Variants in ESRRG observed in about 807,000 individuals in gnomAD.
The protein encoded by ESRRG is estrogen related receptor gamma.
ESRRG carries 13 observed loss-of-function variants against 44.0 expected under a neutral mutation model. That is an observed-to-expected ratio of 0.30 (90% CI 0.19 to 0.47). The LOEUF (loss-of-function observed/expected upper bound fraction) is 0.47, where lower values mean the gene tolerates loss of function less well. Ranked by LOEUF, ESRRG falls within the 20% of genes least tolerant of loss-of-function variation. The pLI is 1.00. For synonymous variants in ESRRG, 215 were observed against 214.6 expected (o/e 1.00, Z -0.02); for missense variants, 395 against 580.6 (o/e 0.68, Z 3.29).
rs142981305 is a variant in ESRRG, at chr1:216,786,708, T to A, written c.-13-109217A>T. Among the ~76,000 whole-genome samples, 23 of 152,282 alleles carry A rather than the reference T, an allele frequency of 1.5e-4. No homozygotes were observed. In the East Asian group the frequency reaches 4.1e-3, roughly 27 times the overall value. On this transcript the variant is annotated intron_variant, in intron 2 of 7. Coordinates refer to the ESRRG transcript ENST00000359162. ...CAACGAGTACATATGTGCTTTGCAC[T>A]AATATCATCAAATTCCAGTCTGATT...
At chr1:216,868,336 C>T (rs962098214) in intron 2 of ESRRG, among the ~76,000 whole-genome samples, 1 of 152,052 alleles carries the variant, frequency 6.6e-6, no homozygotes, top group Non-Finnish European at 1.5e-5. Flanking sequence ...GAGCCACCCA[C>T]CTCGGCCTCC....
chr1:217,025,781 T>C (rs940638851), intron 1 of ESRRG, among the ~76,000 whole-genome samples: 2 of 152,190 alleles, frequency 1.3e-5, no homozygotes, highest in African/African-American at 4.8e-5. Flanking sequence ...TAATAAATTG[T>C]TTTTAAGAGG....
chr1:216,850,116 T>G (rs954685429), intron 2 of ESRRG, among the ~76,000 whole-genome samples: 1 of 152,118 alleles, frequency 6.6e-6, no homozygotes, highest in Non-Finnish European at 1.5e-5. Context: ...ATATTTTTAC[T>G]GAGACTTCAA....
intron 2 of ESRRG, among the ~76,000 whole-genome samples, chr1:216,923,574 T>C (rs2062105325): frequency 6.6e-6 from 1 of 152,198 alleles, no homozygotes; most frequent in South Asian, 2.1e-4. Flanking sequence ...TGTGATTAAC[T>C]GGACTGTTGG....
intron 2 of ESRRG, among the ~76,000 whole-genome samples, chr1:216,788,753 T>G (rs1441535485): frequency 2.6e-5 from 4 of 152,150 alleles, no homozygotes; most frequent in African/African-American, 4.8e-5. Flanking sequence ...TTGTAGAGGA[T>G]TCACCATTCT....
intron 1 of ESRRG, among the ~76,000 whole-genome samples, chr1:216,720,893 T>C (rs1163613575): frequency 6.6e-6 from 1 of 152,170 alleles, no homozygotes; most frequent in East Asian, 1.9e-4. Context: ...CCTTTCCTTC[T>C]TCCAACAGCT....
chr1:216,998,709 T>C (rs918185143), intron 1 of ESRRG, among the ~76,000 whole-genome samples: 1 of 152,346 alleles, frequency 6.6e-6, no homozygotes, highest in South Asian at 2.1e-4. Context: ...TTAGAAATAT[T>C]CCTTCACACA....
At chr1:217,061,727 C>A (rs1246405764) in intron 1 of ESRRG, among the ~76,000 whole-genome samples, 1 of 152,168 alleles carries the variant, frequency 6.6e-6, no homozygotes, top group African/African-American at 2.4e-5. Context: ...AGCCTAAGCA[C>A]TGCCACAATC....
intron 1 of ESRRG, among the ~76,000 whole-genome samples, chr1:216,999,079 A>G (rs546528580): frequency 1.7e-4 from 26 of 152,320 alleles, no homozygotes; most frequent in African/African-American, 6.3e-4. Flanking sequence ...AGAAAAGAGA[A>G]TGCTGTGGAT....
chr1:216,867,811 A>G (rs942584905), intron 2 of ESRRG, among the ~76,000 whole-genome samples: 8 of 152,120 alleles, frequency 5.3e-5, no homozygotes, highest in Non-Finnish European at 8.8e-5. Context: ...GTACAGCCCT[A>G]TGAATCTTAA....
chr1:216,752,961 T>G (rs1297711488), intron 2 of ESRRG, among the ~76,000 whole-genome samples: 1 of 152,114 alleles, frequency 6.6e-6, no homozygotes. Context: ...TCTCACTATT[T>G]TTTTTCAATC....
intron 1 of ESRRG, among the ~76,000 whole-genome samples, chr1:216,983,999 T>A (rs1264752856): frequency 7.3e-6 from 1 of 136,096 alleles, no homozygotes; most frequent in African/African-American, 2.7e-5. Context: ...GCTTCAGATC[T>A]AAATATAGGG....
intron 1 of ESRRG, among the ~76,000 whole-genome samples, chr1:217,019,260 C>G (rs11117751): frequency 0.23 from 35,282 of 152,070 alleles, 4,540 homozygotes; most frequent in Middle Eastern, 0.41. Context: ...TAGCACTAGA[C>G]AAAGATTAGA....
At chr1:216,750,994 C>T (rs1410877406) in intron 2 of ESRRG, among the ~76,000 whole-genome samples, 2 of 152,074 alleles carry the variant, frequency 1.3e-5, no homozygotes, top group Non-Finnish European at 2.9e-5. Flanking sequence ...CATAAAATTC[C>T]ATTTAGCACT....
chr1:216,747,874 AG>A (rs2091589409), intron 2 of ESRRG, among the ~76,000 whole-genome samples: 1 of 152,214 alleles, frequency 6.6e-6, no homozygotes, highest in Non-Finnish European at 1.5e-5. Context: ...AAAATCCAGT[AG>A]GTTTCCTCCC....
chr1:217,037,572 G>T (rs184845757), intron 1 of ESRRG, among the ~76,000 whole-genome samples: 159 of 152,234 alleles, frequency 1.0e-3, no homozygotes, highest in African/African-American at 3.6e-3. Context: ...CACAAGATGA[G>T]ATTTGGGTGG....
intron 2 of ESRRG, among the ~76,000 whole-genome samples, chr1:216,735,198 A>G (rs2089646827): frequency 6.6e-6 from 1 of 150,436 alleles, no homozygotes; most frequent in South Asian, 2.1e-4. Context: ...ATGAGCCACC[A>G]TGCCCAGCCT....
At chr1:216,895,389 A>G (rs2058300599) in intron 2 of ESRRG, among the ~76,000 whole-genome samples, 1 of 152,214 alleles carries the variant, frequency 6.6e-6, no homozygotes, top group African/African-American at 2.4e-5. Flanking sequence ...ACATCATGAC[A>G]TATATGGGGA....
At chr1:217,004,323 T>C (rs1427761793) in intron 1 of ESRRG, among the ~76,000 whole-genome samples, 5 of 152,124 alleles carry the variant, frequency 3.3e-5, no homozygotes, top group African/African-American at 9.7e-5. Context: ...CAGGTGGAGA[T>C]AATTGAATCA....
Sources: gnomAD v4.1 joint callset for allele counts (sites outside exome capture counted in the v4.1 genomes callset) on GRCh38, gnomAD v4.1.1 for gene constraint, MANE v1.5 for transcripts, NCBI Gene and HGNC (gene_info 2026-07-23, HGNC 2026-07-21) for gene names.